STX6: variants seen among roughly 807,000 people sequenced by gnomAD.
STX6 encodes syntaxin-6.
Under a neutral mutation model 38.0 loss-of-function variants are expected in STX6, and 23 were observed. The ratio of observed to expected loss-of-function variants is 0.60; its 90% CI spans 0.43 to 0.86. STX6 has a LOEUF of 0.86. Ranked by LOEUF, STX6 falls within the 40% of genes least tolerant of loss-of-function variation. The probability of loss-of-function intolerance (pLI) is 0.00; values close to 1 mark genes in which losing one functional copy is unlikely to be tolerated. For missense variants in STX6, 274 were observed against 312.9 expected (o/e 0.88, Z 0.94); for synonymous variants, 123 against 107.5 (o/e 1.14, Z -0.89).
chr1:180,996,227 T>A (rs1655912451), intron 3 of STX6, among the ~76,000 whole-genome samples: 1 of 152,126 alleles, frequency 6.6e-6, no homozygotes, highest in South Asian at 2.1e-4. Flanking sequence ...AGATGTGTAC[T>A]GCAGTATTAT....
At chr1:181,016,404 T>C (rs1342952939) in intron 1 of STX6, among the ~76,000 whole-genome samples, 5 of 152,204 alleles carry the variant, frequency 3.3e-5, no homozygotes, top group African/African-American at 9.7e-5. Context: ...TTACACAATA[T>C]ATCTTTCACT....
chr1:181,019,877 T>C (rs1282905167), intron 1 of STX6, among the ~76,000 whole-genome samples: 1 of 152,174 alleles, frequency 6.6e-6, no homozygotes, highest in Non-Finnish European at 1.5e-5. Context: ...TTAAAGAGTA[T>C]GTAGGCCGGG....
intron 7 of STX6, among the ~76,000 whole-genome samples, chr1:180,981,765 T>C (rs531730476): frequency 6.6e-6 from 1 of 152,272 alleles, no homozygotes; most frequent in African/African-American, 2.4e-5. Context: ...CAGGGAGCTG[T>C]TACCCCAGCA....
chr1:180,984,548 C>CA (rs562256426), intron 7 of STX6, 129 bp downstream of exon 7: 66 of 439,442 alleles, frequency 1.5e-4, no homozygotes, highest in East Asian at 2.2e-4. Context: ...GACTCTGTCT[C>CA]AAAAAAAAGA....
chr1:180,979,059 T>C (rs1227362555), intron 7 of STX6, among the ~76,000 whole-genome samples: 1 of 152,018 alleles, frequency 6.6e-6, no homozygotes, highest in Non-Finnish European at 1.5e-5. Flanking sequence ...ATGGAAAAAG[T>C]AAACAACATG....
intron 2 of STX6, among the ~76,000 whole-genome samples, chr1:181,003,154 G>T (rs1043334408): frequency 6.6e-6 from 1 of 152,186 alleles, no homozygotes; most frequent in Non-Finnish European, 1.5e-5. Flanking sequence ...CAGAGAAGCT[G>T]CCCTCATTCC....
At chr1:181,014,496 C>T (rs1176049160) in intron 1 of STX6, among the ~76,000 whole-genome samples, 4 of 152,210 alleles carry the variant, frequency 2.6e-5, no homozygotes, top group Non-Finnish European at 5.9e-5. Flanking sequence ...ACTCTTTTAT[C>T]TGGGACAGCA....
intron 1 of STX6, among the ~76,000 whole-genome samples, chr1:181,015,558 T>C (rs575009099): frequency 8.3e-4 from 127 of 152,338 alleles, no homozygotes; most frequent in African/African-American, 3.0e-3. Flanking sequence ...TAAGAGACCT[T>C]GGGGCTCAGA....
At chr1:180,999,033 T>A (rs191095143) in intron 3 of STX6, among the ~76,000 whole-genome samples, 2 of 152,338 alleles carry the variant, frequency 1.3e-5, no homozygotes, top group East Asian at 3.9e-4. Flanking sequence ...CATTTCAAGG[T>A]CATCTGTGCT....
chr1:180,982,828 C>G (rs1171271793), intron 7 of STX6, among the ~76,000 whole-genome samples: 2 of 152,134 alleles, frequency 1.3e-5, no homozygotes, highest in Non-Finnish European at 2.9e-5. Context: ...CTTTGCAAAC[C>G]TTTCTCTAAA....
chr1:181,004,745 T>C (rs910881229), intron 2 of STX6, among the ~76,000 whole-genome samples: 1 of 152,116 alleles, frequency 6.6e-6, no homozygotes, highest in Non-Finnish European at 1.5e-5. Context: ...ATTAAATTAA[T>C]TCGATCTATG....
rs545685756 is a variant in STX6 at position 180,998,244 on chromosome 1, C to A, written c.300+4362G>T. On this transcript the variant is annotated intron_variant, in intron 3 of 7. Transcript: ENST00000258301. Reference sequence around the variant, plus strand: ...TTTAAAGTTTTATGCTTAATAAAAACCATGTGGGGTTATGTGTGTGCCTGC... The same window carrying A: ...TTTAAAGTTTTATGCTTAATAAAAAACATGTGGGGTTATGTGTGTGCCTGC... Among the ~76,000 whole-genome samples, 10 of 152,296 alleles carry A rather than the reference C, an allele frequency of 6.6e-5. No homozygotes were observed. The South Asian group carries it at 2.1e-3, about 32-fold the overall frequency.
At chr1:181,015,114 G>A (rs1014816549) in intron 1 of STX6, among the ~76,000 whole-genome samples, 1 of 152,040 alleles carries the variant, frequency 6.6e-6, no homozygotes, top group Non-Finnish European at 1.5e-5. Flanking sequence ...TTCCTCCACT[G>A]GATCCCAATG....
At chr1:181,018,738 C>T (rs1411970781) in intron 1 of STX6, among the ~76,000 whole-genome samples, 3 of 152,180 alleles carry the variant, frequency 2.0e-5, no homozygotes, top group Non-Finnish European at 4.4e-5. Context: ...CAACAGCTTT[C>T]TAACTGGTCT....
intron 4 of STX6, among the ~76,000 whole-genome samples, chr1:180,992,058 C>T (rs979740378): frequency 6.6e-6 from 1 of 151,788 alleles, no homozygotes. Flanking sequence ...ACTGACCTCA[C>T]TGTCACAACT....
chr1:181,006,686 T>C (rs183354776), intron 1 of STX6, among the ~76,000 whole-genome samples: 35 of 152,222 alleles, frequency 2.3e-4, no homozygotes, highest in Non-Finnish European at 2.2e-4. Context: ...GTTTGTTGTC[T>C]ATGGCTTTAA....
chr1:180,980,254 GA>G (rs1655368925), intron 7 of STX6, among the ~76,000 whole-genome samples: 1 of 145,828 alleles, frequency 6.9e-6, no homozygotes, highest in Non-Finnish European at 1.5e-5. Context: ...GGAAGCATAC[GA>G]AAAGATGTTC....
chr1:181,011,612 C>T (rs1656403412), intron 1 of STX6, among the ~76,000 whole-genome samples: 1 of 152,228 alleles, frequency 6.6e-6, no homozygotes, highest in Non-Finnish European at 1.5e-5. Flanking sequence ...CTGAAGATTA[C>T]TTGGCATTCC....
intron 3 of STX6, among the ~76,000 whole-genome samples, chr1:180,997,770 G>A (rs953740543): frequency 6.6e-6 from 1 of 152,120 alleles, no homozygotes; most frequent in Non-Finnish European, 1.5e-5. Context: ...GTAAGACTAT[G>A]TCCACAATGT....
Sources: allele counts gnomAD v4.1 joint callset (sites outside exome capture counted in the v4.1 genomes callset), GRCh38; gene constraint gnomAD v4.1.1; transcripts MANE v1.5; gene names NCBI Gene and HGNC (gene_info 2026-07-23, HGNC 2026-07-21).